NECTIN2: variants seen among roughly 807,000 people sequenced by gnomAD.
NECTIN2 encodes nectin cell adhesion molecule 2, also known as nectin-2.
In NECTIN2, 23 loss-of-function variants were observed where a neutral mutation model predicts 56.9. The ratio of observed to expected loss-of-function variants is 0.40; its 90% CI spans 0.29 to 0.57. The LOEUF is 0.57. Ranked by LOEUF, NECTIN2 falls within the 20% of genes least tolerant of loss-of-function variation. NECTIN2 has a pLI of 0.38. For missense variants in NECTIN2, 587 were observed against 718.3 expected (o/e 0.82, Z 2.09); for synonymous variants, 302 against 313.8 (o/e 0.96, Z 0.40).
chr19:44,880,658 C>G (rs1192403128), intron 5 of NECTIN2, among the ~76,000 whole-genome samples: 2 of 149,998 alleles, frequency 1.3e-5, no homozygotes, highest in Non-Finnish European at 1.5e-5. Context: ...GGGGTGGTCT[C>G]CCTATATTAC....
intron 1 of NECTIN2, among the ~76,000 whole-genome samples, chr19:44,848,682 C>T (rs187532221): frequency 6.6e-6 from 1 of 151,542 alleles, no homozygotes; most frequent in Admixed American, 6.6e-5. Flanking sequence ...TCTCTCTCTC[C>T]CCTCCCCCTC....
Position 44,865,131 on chromosome 19 carries a change from G to T in NECTIN2, c.89-140G>T. The stretch of plus-strand genomic sequence containing the variant: ...AATGTCTTTTCCAGGTGGCTTTTTT[G>T]GAATCAGGATGCTGCGAAGCTGCCT... On this transcript the variant is annotated intron_variant, in intron 1 of 8. Transcript: ENST00000252483. This position sits in a 1 kb window ranked among gnomAD's most constrained non-coding sequence, Gnocchi z 5.2. 2.3e-6 allele frequency: 2 copies of T among 886,708 alleles called. No individual in the cohort carries two copies. The highest frequency in any genetic ancestry group is 2.0e-5 in the South Asian group (1 of 51,280). The allele number at this position is 886,708 out of a possible 1,614,324, so 54.9% of individuals were successfully genotyped here. A position where few individuals can be genotyped will look rare whatever the true frequency, so the allele number is the denominator to read the frequency against.
At chr19:44,883,102 G>A (rs760910469) in intron 6 of NECTIN2, among the ~76,000 whole-genome samples, 1 of 152,124 alleles carries the variant, frequency 6.6e-6, no homozygotes, top group Non-Finnish European at 1.5e-5. Context: ...AAAGAAGAAA[G>A]GGCGGTTCCT....
In NECTIN2 at chr19:44,865,668, G is replaced by A; in HGVS notation, c.478+8G>A. The A allele has an allele frequency of 6.6e-7, 1 of 1,507,966 alleles. No individual in the cohort carries two copies. The highest frequency in any genetic ancestry group is 8.9e-7 in the Non-Finnish European group (1 of 1,127,922). The allele number at this position is 1,507,966 out of a possible 1,614,324, so 93.4% of individuals were successfully genotyped here. A position where few individuals can be genotyped will look rare whatever the true frequency, so the allele number is the denominator to read the frequency against. ...CCTGGCTCAGAGTCATAGGTGAGCA[G>A]GGTAAGGGCGGGAGGCAAGGAGGTG... On this transcript the variant is annotated splice_region_variant and intron_variant, in intron 2 of 8. Transcript: ENST00000252483. This position sits in a 1 kb window ranked among gnomAD's most constrained non-coding sequence, Gnocchi z 5.2.
At chr19:44,877,915 T>G (rs1969258077) in intron 5 of NECTIN2, among the ~76,000 whole-genome samples, 1 of 152,206 alleles carries the variant, frequency 6.6e-6, no homozygotes, top group Admixed American at 6.5e-5. Context: ...CGCCTGATTT[T>G]TGAAAGGTTG....
In NECTIN2 at chr19:44,874,492, G is replaced by T; in HGVS notation, c.1042+14G>T. 6.2e-7 allele frequency: 1 copy of T among 1,611,936 alleles called. No individual in the cohort carries two copies. ...TCTTTGTCCGAGGTGAGTGGGTCTTGGGGGCCGTGTGTGGAGACCTGGGTC... is the reference window on the plus strand; with the variant it reads ...TCTTTGTCCGAGGTGAGTGGGTCTTTGGGGCCGTGTGTGGAGACCTGGGTC... On this transcript the variant is annotated intron_variant, in intron 5 of 8. Transcript: ENST00000252483. The surrounding 1 kb of genome is among the most constrained non-coding windows in gnomAD (Gnocchi z 6.3).
chr19:44,872,818 TTTATATA>T (rs1052317622), intron 3 of NECTIN2, among the ~76,000 whole-genome samples: 22 of 146,886 alleles, frequency 1.5e-4, no homozygotes, highest in Non-Finnish European at 1.9e-4. Context: ...TTATTATATT[TTTATATA>T]TTATATATTA....
chr19:44,851,419 C>A (rs1448975494), intron 1 of NECTIN2, among the ~76,000 whole-genome samples: 2 of 149,940 alleles, frequency 1.3e-5, no homozygotes, highest in Non-Finnish European at 3.0e-5. Flanking sequence ...GGAATCCAGG[C>A]CCCCAGCCCC....
chr19:44,855,784 C>CT (rs1968958703), intron 1 of NECTIN2, among the ~76,000 whole-genome samples: 2 of 152,176 alleles, frequency 1.3e-5, no homozygotes, highest in African/African-American at 4.8e-5. Flanking sequence ...CTACTACATG[C>CT]TAGGCCCTGT....
intron 5 of NECTIN2, chr19:44,878,717 G>T: frequency 6.7e-7 from 1 of 1,498,012 alleles, no homozygotes; most frequent in Non-Finnish European, 8.9e-7. Flanking sequence ...TTGTTCGTCT[G>T]GACGACACTG....
At chr19:44,870,405 G>A (rs1969159929) in intron 2 of NECTIN2, among the ~76,000 whole-genome samples, 1 of 152,168 alleles carries the variant, frequency 6.6e-6, no homozygotes, top group African/African-American at 2.4e-5. Context: ...GAGTCAGACC[G>A]TGTTGAGAAG....
At chr19:44,847,941 G>A (rs1968855978) in intron 1 of NECTIN2, among the ~76,000 whole-genome samples, 1 of 152,094 alleles carries the variant, frequency 6.6e-6, no homozygotes, top group African/African-American at 2.4e-5. Flanking sequence ...GGGAGGGAGG[G>A]GCTGGGAGGG....
intron 1 of NECTIN2, among the ~76,000 whole-genome samples, chr19:44,847,413 G>A (rs1312503828): frequency 6.6e-6 from 1 of 152,118 alleles, no homozygotes; most frequent in African/African-American, 2.4e-5. Flanking sequence ...CGTTTTCAGG[G>A]TTCCCGGCAG....
intron 1 of NECTIN2, among the ~76,000 whole-genome samples, chr19:44,852,927 T>A (rs1431584836): frequency 1.3e-5 from 2 of 152,004 alleles, no homozygotes; most frequent in Non-Finnish European, 2.9e-5. Flanking sequence ...CAACAAACAG[T>A]GAGACCCCTT....
intron 1 of NECTIN2, 112 bp downstream of exon 1, chr19:44,846,725 C>T: frequency 7.8e-7 from 1 of 1,279,012 alleles, no homozygotes; most frequent in Non-Finnish European, 1.0e-6. Flanking sequence ...CGAGCCCCCT[C>T]TCGCGTGCCC....
chr19:44,865,228 C>T lies in NECTIN2; in HGVS notation c.89-43C>T, dbSNP rs1969083689. The T allele has an allele frequency of 1.3e-6, 2 of 1,547,522 alleles. No individual in the cohort carries two copies. The highest frequency in any genetic ancestry group is 1.8e-6 in the Non-Finnish European group (2 of 1,141,832). Reference sequence around the variant, plus strand: ...GGCCCTGCCTGGAGGTGTCTGGGTCCCTCCCCCACCCGACTACTTCACTCT... The same window carrying T: ...GGCCCTGCCTGGAGGTGTCTGGGTCTCTCCCCCACCCGACTACTTCACTCT... On this transcript the variant is annotated intron_variant, in intron 1 of 8. Transcript: ENST00000252483. This position sits in a 1 kb window ranked among gnomAD's most constrained non-coding sequence, Gnocchi z 5.2.
Position 44,874,587 on chromosome 19 carries a change from G to A in NECTIN2, c.1042+109G>A. Reference sequence around the variant, plus strand: ...GGGAGGCTGCGCCGCCGACCTGGGAGGGATGCAGACCTGCCTGGCTGAGGG... The same window carrying A: ...GGGAGGCTGCGCCGCCGACCTGGGAAGGATGCAGACCTGCCTGGCTGAGGG... On this transcript the variant is annotated intron_variant, in intron 5 of 8. Transcript: ENST00000252483. This position sits in a 1 kb window ranked among gnomAD's most constrained non-coding sequence, Gnocchi z 6.3. 7.2e-7 allele frequency: 1 copy of A among 1,396,272 alleles called. No individual in the cohort carries two copies. Among genetic ancestry groups the A allele is most frequent in the Non-Finnish European group, 9.8e-7 (1 of 1,016,804 alleles). 86.5% of individuals were successfully genotyped at this position (1,396,272 alleles called of 1,614,324 possible). A position where few individuals can be genotyped will look rare whatever the true frequency, so the allele number is the denominator to read the frequency against.
At chr19:44,864,004 C>T (rs1444532779) in intron 1 of NECTIN2, among the ~76,000 whole-genome samples, 2 of 87,206 alleles carry the variant, frequency 2.3e-5, no homozygotes, top group Non-Finnish European at 5.0e-5. Context: ...GATTTATTTT[C>T]AGAGGATTCC....
At chr19:44,876,844 G>A (rs1402659793) in intron 5 of NECTIN2, among the ~76,000 whole-genome samples, 1 of 152,140 alleles carries the variant, frequency 6.6e-6, no homozygotes, top group Non-Finnish European at 1.5e-5. Context: ...GCCTCCCAAA[G>A]TGCTGGGATT....
Sources: gnomAD v4.1 joint callset for allele counts (sites outside exome capture counted in the v4.1 genomes callset) on GRCh38, gnomAD v4.1.1 for gene constraint, Gnocchi (gnomAD v3.1) non-coding constraint, MANE v1.5 for transcripts, NCBI Gene and HGNC (gene_info 2026-07-23, HGNC 2026-07-21) for gene names.